Variants in TECTA observed in about 807,000 individuals in gnomAD.
The protein encoded by TECTA is alpha-tectorin.
A neutral mutation model predicts 216.8 loss-of-function variants in TECTA; 128 were observed. The ratio of observed to expected loss-of-function variants is 0.59; its 90% CI spans 0.51 to 0.68. The LOEUF (loss-of-function observed/expected upper bound fraction) is 0.68. TECTA is among the 30% of genes least tolerant of loss of function. The probability of loss-of-function intolerance (pLI) is 0.00; values close to 1 mark genes in which losing one functional copy is unlikely to be tolerated. For synonymous variants in TECTA, 1,089 were observed against 1,117.1 expected (o/e 0.97, Z 0.50); for missense variants, 2,551 against 2,786.2 (o/e 0.92, Z 1.90).
At chr11:121,168,281 A>G in intron 19 of TECTA, 64 bp downstream of exon 19, 1 of 1,602,026 alleles carries the variant, frequency 6.2e-7, no homozygotes, top group African/African-American at 1.3e-5. Context: ...GGTTAGCATA[A>G]TCAAAATTGC....
intron 2 of TECTA, among the ~76,000 whole-genome samples, chr11:121,103,609 A>G (rs1946366056): frequency 1.3e-5 from 2 of 152,008 alleles, no homozygotes; most frequent in Non-Finnish European, 2.9e-5. Flanking sequence ...AAACATAGCT[A>G]TGTTTATTGT....
rs373343675 is a variant in TECTA at position 121,168,751 on chromosome 11, A to T, written c.5825A>T (p.Tyr1942Phe). Residue 1942 changes from tyrosine to phenylalanine, a missense_variant, in exon 20 of 24, where the codon TAC becomes TTC. Around this residue, in one of 3 missense-constraint regions of TECTA, gnomAD observed 2,375 missense variants for 2,563.9 expected, o/e 0.93. Coordinates refer to ENST00000392793, the MANE Select transcript of TECTA (RefSeq NM_005422.4). The part of the protein sequence containing the change: ...TKMALYKNAS[Y>F]KHPYRQGEVV... ...ATGGCTCTCTACAAAAACGCCTCCT[A>T]CAAACATCCTTACCGCCAGGGTGAA... is the stretch of plus-strand genomic sequence containing the variant. 5.0e-6 allele frequency: 8 copies of T among 1,614,086 alleles called. No homozygotes were observed. The highest frequency in any genetic ancestry group is 6.8e-6 in the Non-Finnish European group (8 of 1,180,034).
chr11:121,141,521 G>A (rs1327131562), intron 11 of TECTA, among the ~76,000 whole-genome samples: 1 of 152,218 alleles, frequency 6.6e-6, no homozygotes, highest in Non-Finnish European at 1.5e-5. Context: ...GTGAGCTGCA[G>A]AAGGTGAGCC....
rs180769620 is a variant in TECTA, at chr11:121,111,141, C to T, written c.486+1643C>T. ...ACATGTTTACTTCAAGGAAGGAAAA[C>T]TAATATTTACTGAGGGTTTACTATG... On this transcript the variant is annotated intron_variant, in intron 4 of 23. Transcript: ENST00000392793. 3.9e-5 allele frequency among the ~76,000 whole-genome samples: 6 copies of T among 152,296 alleles called. No homozygotes were observed. In the East Asian group the frequency reaches 1.2e-3, roughly 29 times the overall value.
At chr11:121,167,721 T>A (rs921246485) in intron 18 of TECTA, among the ~76,000 whole-genome samples, 2 of 152,192 alleles carry the variant, frequency 1.3e-5, no homozygotes, top group African/African-American at 4.8e-5. Flanking sequence ...AAAAGAAGAT[T>A]TCTATTACCC....
At chr11:121,186,397 C>T (rs1019315416) in intron 20 of TECTA, among the ~76,000 whole-genome samples, 1 of 152,200 alleles carries the variant, frequency 6.6e-6, no homozygotes, top group South Asian at 2.1e-4. Flanking sequence ...TAGTGCTTGG[C>T]GTCTGTGCTC....
In TECTA at chr11:121,158,210, C is replaced by A; in HGVS notation, c.4675C>A (p.Arg1559=). ...INEEQILIND[R]NTVKVNGTQV... ...CGAAGAGCAGATTCTCATCAACGAC[C>A]GGAACACGGTCAAGGTAACCAGCCT... The change falls in exon 14 of 24, where the codon CGG becomes AGG. Residue 1559 remains arginine, a synonymous_variant. Coordinates refer to ENST00000392793, the MANE Select transcript of TECTA (RefSeq NM_005422.4). 5 of 1,612,982 alleles carry A rather than the reference C, an allele frequency of 3.1e-6. No individual in the cohort carries two copies. Among genetic ancestry groups the A allele is most frequent in the South Asian group, 1.1e-5 (1 of 91,064 alleles).
chr11:121,118,460 C>A lies in TECTA; in HGVS notation c.945C>A (p.Ser315Arg), dbSNP rs758060391. ...CEPKGKFFYCSAVETSTCVVF... is the reference protein window; with the variant it reads ...CEPKGKFFYCRAVETSTCVVF... ...CCAAAGGCAAATTCTTCTACTGCAG[C>A]GCTGTGGAGACCAGCACATGCGTGG... Residue 315 changes from serine to arginine, a missense_variant, in exon 7 of 24, where the codon AGC (serine) becomes AGA (arginine). Ser to Arg is a moderately radical substitution (Grantham distance 110, BLOSUM62 -1). This residue lies in a region of TECTA where 2,375 missense variants were observed against 2,563.9 expected (regional missense o/e 0.93). Transcript: ENST00000392793. The A allele has an allele frequency of 6.2e-7, 1 of 1,614,064 alleles. No homozygotes were observed. The highest frequency in any genetic ancestry group is 8.5e-7 in the Non-Finnish European group (1 of 1,180,040).
Position 121,167,325 on chromosome 11 carries a change from T to C in TECTA, c.5586+545T>C, listed in dbSNP as rs982311565. ...TGACAGTGCCTGTAGTTGTGTCTAC[T>C]TGGAAGGCTGACATGGGAGGATCAT... On this transcript the variant is annotated intron_variant, in intron 18 of 23. Coordinates refer to ENST00000392793, the MANE Select transcript of TECTA (RefSeq NM_005422.4). Among the ~76,000 whole-genome samples, 6 of 152,232 alleles carry C rather than the reference T, an allele frequency of 3.9e-5. No homozygotes were observed. The Middle Eastern group carries it at 0.01, about 259-fold the overall frequency.
At chr11:121,122,086 G>A (rs919727807) in intron 7 of TECTA, among the ~76,000 whole-genome samples, 1 of 152,104 alleles carries the variant, frequency 6.6e-6, no homozygotes, top group Non-Finnish European at 1.5e-5. Context: ...GCTCTCTGCA[G>A]GATGGTTTAT....
chr11:121,129,488 A>G, intron 9 of TECTA, 150 bp from the exon 10 acceptor site: 1 of 747,464 alleles, frequency 1.3e-6, no homozygotes, highest in Non-Finnish European at 2.3e-6. Context: ...GCCCATGACA[A>G]ATCGGTTGGT....
intron 13 of TECTA, among the ~76,000 whole-genome samples, chr11:121,156,291 C>T (rs1368649344): frequency 6.6e-6 from 1 of 152,196 alleles, no homozygotes; most frequent in Non-Finnish European, 1.5e-5. Flanking sequence ...CCTCCCACCT[C>T]AGCCTCTGGA....
chr11:121,118,659 TC>T lies in TECTA; in HGVS notation c.1145del (p.Ser382Ter). The T allele has an allele frequency of 6.2e-7, 1 of 1,614,096 alleles. No individual in the cohort carries two copies. Among genetic ancestry groups the T allele is most frequent in the Non-Finnish European group, 8.5e-7 (1 of 1,180,040 alleles). On this transcript the variant is annotated frameshift_variant, in exon 7 of 24. Coordinates refer to ENST00000392793, the MANE Select transcript of TECTA (RefSeq NM_005422.4). LOFTEE classifies it high-confidence loss of function. ...GSAVSWVKEL[S>X]VEVNGYKILI... ...AGCCGTCTCCTGGGTGAAGGAGCTC[TC>T]AGTGGAGGTGAATGGCTACAAGATT...
At chr11:121,122,480 C>A (rs1402214552) in intron 7 of TECTA, among the ~76,000 whole-genome samples, 1 of 151,924 alleles carries the variant, frequency 6.6e-6, no homozygotes, top group African/African-American at 2.4e-5. Context: ...TCTAGCAGCC[C>A]AAACAGACTA....
At chr11:121,152,551 G>A (rs1462427419) in intron 12 of TECTA, among the ~76,000 whole-genome samples, 1 of 152,186 alleles carries the variant, frequency 6.6e-6, no homozygotes, top group East Asian at 1.9e-4. Flanking sequence ...AGGTTATCAG[G>A]TGACATGTCT....
chr11:121,166,834 G>A, intron 18 of TECTA, 54 bp downstream of exon 18: 1 of 1,602,144 alleles, frequency 6.2e-7, no homozygotes, highest in Middle Eastern at 1.7e-4. Context: ...AGCTTCGAGT[G>A]TTTGCACATT....
At chr11:121,103,333 C>T (rs1046726404) in intron 2 of TECTA, among the ~76,000 whole-genome samples, 5 of 152,126 alleles carry the variant, frequency 3.3e-5, no homozygotes, top group Non-Finnish European at 2.9e-5. Flanking sequence ...GGGCGGTCTA[C>T]GTAGATTTTA....
In TECTA at chr11:121,162,303, C is replaced by T. The variant is rs762504147; in HGVS notation, c.5205C>T (p.Ala1735=). 3.0e-5 allele frequency: 49 copies of T among 1,613,286 alleles called. No individual in the cohort carries two copies. The East Asian group carries it at 8.2e-4, about 27-fold the overall frequency. The change falls in exon 16 of 24, where the codon GCC becomes GCT. Residue 1735 remains alanine, a synonymous_variant. Coordinates refer to ENST00000392793, the MANE Select transcript of TECTA (RefSeq NM_005422.4). ...AGTTCCAGCTGTGCGGCTCCCTGGC[C>T]GCCTACGGGGAGGCCTGCCGCTCCT... ...HKKFQLCGSL[A]AYGEACRSFG... is the part of the protein sequence containing the mutation.
rs979212164 is a variant in TECTA, at chr11:121,145,603, A to G, written c.3592A>G (p.Ile1198Val). 2.5e-6 allele frequency: 4 copies of G among 1,614,112 alleles called. No individual in the cohort carries two copies. The highest frequency in any genetic ancestry group is 3.4e-6 in the Non-Finnish European group (4 of 1,180,052). ...YLPLKLGQGK[I>V]NIFSFGFHVV... Reference sequence around the variant, plus strand: ...GCCCCTGAAGCTGGGGCAAGGGAAGATAAATATCTTTTCCTTTGGCTTCCA... The same window carrying G: ...GCCCCTGAAGCTGGGGCAAGGGAAGGTAAATATCTTTTCCTTTGGCTTCCA... The change falls in exon 12 of 24, where the codon ATA becomes GTA. Residue 1198 changes from isoleucine to valine, a missense_variant. This residue lies in a region of TECTA where 2,375 missense variants were observed against 2,563.9 expected (regional missense o/e 0.93). Coordinates refer to ENST00000392793, the MANE Select transcript of TECTA (RefSeq NM_005422.4).
Sources: allele counts gnomAD v4.1 joint callset (sites outside exome capture counted in the v4.1 genomes callset), GRCh38; gene constraint gnomAD v4.1.1; regional missense constraint gnomAD v4.1.1; transcripts MANE v1.5; gene names NCBI Gene and HGNC (gene_info 2026-07-23, HGNC 2026-07-21).